The following TENM2 variants were observed in gnomAD, a reference collection of about 807,000 sequenced individuals.
TENM2 encodes the protein teneurin-2.
Under a neutral mutation model 245.2 loss-of-function variants are expected in TENM2, and 52 were observed. The ratio of observed to expected loss-of-function variants is 0.21; its 90% CI spans 0.17 to 0.27. The LOEUF (loss-of-function observed/expected upper bound fraction) is 0.27. Ranked by LOEUF, TENM2 falls within the 10% of genes least tolerant of loss-of-function variation. TENM2 has a pLI of 1.00. For synonymous variants in TENM2, 1,363 were observed against 1,438.9 expected (o/e 0.95, Z 1.19); for missense variants, 3,046 against 3,666.8 (o/e 0.83, Z 4.37).
At chr5:168,052,374 GA>G in intron 6 of TENM2, among the ~76,000 whole-genome samples, 1 of 151,886 alleles carries the variant, frequency 6.6e-6, no homozygotes, top group East Asian at 1.9e-4. Context: ...CTGGGCAACA[GA>G]GCGAGACTCT....
chr5:168,231,812 A>G (rs1353608952), intron 25 of TENM2, among the ~76,000 whole-genome samples: 1 of 152,064 alleles, frequency 6.6e-6, no homozygotes, highest in Non-Finnish European at 1.5e-5. Flanking sequence ...ATAGCCGACC[A>G]TGGCCTGGCA....
chr5:168,133,708 A>G lies in TENM2; in HGVS notation c.2422+6742A>G, dbSNP rs182847309. ...CTGGTTTACCTAGGGAATCTTTTGT[A>G]CATTGAAAAACTTCCTTGCATAAGT... On this transcript the variant is annotated intron_variant, in intron 12 of 28. Coordinates refer to ENST00000518659, the Ensembl canonical transcript of TENM2. Among the ~76,000 whole-genome samples the G allele has an allele frequency of 2.8e-4, 43 of 152,356 alleles. 1 individual carries two copies. The East Asian group carries it at 6.2e-3, about 22-fold the overall frequency.
chr5:167,927,284 T>G (rs1479852304), intron 3 of TENM2, among the ~76,000 whole-genome samples: 1 of 152,190 alleles, frequency 6.6e-6, no homozygotes, highest in African/African-American at 2.4e-5. Flanking sequence ...TTCTTCCCAA[T>G]GTTTTATAAT....
At chr5:167,590,013 ATAG>A (rs1775772059) in intron 2 of TENM2, among the ~76,000 whole-genome samples, 1 of 151,840 alleles carries the variant, frequency 6.6e-6, no homozygotes, top group African/African-American at 2.4e-5. Flanking sequence ...ATAAGTAATA[ATAG>A]TAATTACTTT....
intron 24 of TENM2, among the ~76,000 whole-genome samples, chr5:168,226,977 T>C (rs973889675): frequency 1.1e-4 from 17 of 152,184 alleles, no homozygotes; most frequent in African/African-American, 4.1e-4. Flanking sequence ...CAGCGGAGCC[T>C]GTTTCAATGA....
chr5:168,255,231 A>C (rs1767544728), intron 27 of TENM2, among the ~76,000 whole-genome samples: 1 of 152,188 alleles, frequency 6.6e-6, no homozygotes, highest in South Asian at 2.1e-4. Context: ...ATGCTCTCTT[A>C]ATTCTTTCAA....
At chr5:168,165,874 G>A (rs1161921350) in intron 13 of TENM2, 2 of 151,492 alleles carry the variant, frequency 1.3e-5, no homozygotes, top group African/African-American at 2.4e-5. Flanking sequence ...TATGTCAGGT[G>A]AGAGGGGTAG....
In TENM2 at chr5:167,747,571, A is replaced by G. The variant is rs78578651; in HGVS notation, c.503-128415A>G. On this transcript the variant is annotated intron_variant, in intron 2 of 28. Transcript: ENST00000518659. ...GCTCAAATGTGAATACTTTTGCCAC[A>G]TTTCGGTAACATTGATCGAGACTTT... Among the ~76,000 whole-genome samples the G allele has an allele frequency of 5.0e-3, 764 of 152,252 alleles. 2 individuals are homozygous for G. The highest frequency in any genetic ancestry group is 7.9e-3 in the Non-Finnish European group (539 of 68,016).
chr5:167,895,099 T>G (rs1464351241), intron 3 of TENM2, among the ~76,000 whole-genome samples: 1 of 152,106 alleles, frequency 6.6e-6, no homozygotes, highest in Non-Finnish European at 1.5e-5. Flanking sequence ...TCGTAAAACT[T>G]CTCAGGGCCT....
chr5:167,589,742 ATACAGTGG>A (rs1775753625), intron 2 of TENM2, among the ~76,000 whole-genome samples: 1 of 152,030 alleles, frequency 6.6e-6, no homozygotes, highest in Admixed American at 6.5e-5. Flanking sequence ...ATTCATTCTT[ATACAGTGG>A]AAATTCTCTT....
chr5:167,969,956 A>G (rs913297880), intron 4 of TENM2, among the ~76,000 whole-genome samples: 12 of 152,198 alleles, frequency 7.9e-5, no homozygotes, highest in Admixed American at 5.9e-4. Context: ...ATAACCAAAC[A>G]TCGTGCTATT....
At chr5:167,802,536 A>G (rs1765858819) in intron 2 of TENM2, among the ~76,000 whole-genome samples, 1 of 152,152 alleles carries the variant, frequency 6.6e-6, no homozygotes, top group Non-Finnish European at 1.5e-5. Context: ...ATTCCTTAAA[A>G]TGTGTGATCC....
chr5:167,660,264 C>G, intron 2 of TENM2: 1 of 151,802 alleles, frequency 6.6e-6, no homozygotes, highest in East Asian at 1.9e-4. Context: ...AGATCGAGAC[C>G]ATCCTGGCTA....
chr5:167,589,998 A>G (rs1245589558), intron 2 of TENM2, among the ~76,000 whole-genome samples: 1 of 151,878 alleles, frequency 6.6e-6, no homozygotes, highest in Non-Finnish European at 1.5e-5. Context: ...ATCTTTGTCT[A>G]TGTAATAAGT....
At chr5:167,756,057 A>T (rs1356819519) in intron 2 of TENM2, among the ~76,000 whole-genome samples, 1 of 152,146 alleles carries the variant, frequency 6.6e-6, no homozygotes, top group African/African-American at 2.4e-5. Context: ...TTTTTTAAAC[A>T]AGGAAACTCA....
intron 2 of TENM2, among the ~76,000 whole-genome samples, chr5:167,430,784 C>T (rs1479368591): frequency 6.6e-6 from 1 of 152,168 alleles, no homozygotes; most frequent in African/African-American, 2.4e-5. Context: ...AAAGTTTCTT[C>T]TAATAACAAC....
intron 2 of TENM2, among the ~76,000 whole-genome samples, chr5:167,411,573 AGTGTGTGTGTGT>A (rs60856762): frequency 6.9e-6 from 1 of 145,038 alleles, no homozygotes; most frequent in African/African-American, 2.6e-5. Flanking sequence ...TGTAGGTGAG[AGTGTGTGTGTGT>A]GTGTGTGTGT....
chr5:167,175,580 T>G, the TENM2 span, among the ~76,000 whole-genome samples: 1 of 152,252 alleles, frequency 6.6e-6, no homozygotes, highest in Non-Finnish European at 1.5e-5. Context: ...TTTTCTGTCT[T>G]CAATGTTTCC....
At chr5:167,520,658 A>G (rs1023244082) in intron 2 of TENM2, among the ~76,000 whole-genome samples, 2 of 152,070 alleles carry the variant, frequency 1.3e-5, no homozygotes, top group Non-Finnish European at 1.5e-5. Flanking sequence ...ATGATTCGTC[A>G]TTCCAGTGCT....
Sources: gnomAD v4.1 joint callset for allele counts (sites outside exome capture counted in the v4.1 genomes callset) on GRCh38, gnomAD v4.1.1 for gene constraint, MANE v1.5 for transcripts, NCBI Gene and HGNC (gene_info 2026-07-23, HGNC 2026-07-21) for gene names.